SYTL2: variants seen among roughly 807,000 people sequenced by gnomAD.
The protein encoded by SYTL2 is synaptotagmin-like protein 2.
A neutral mutation model predicts 198.7 loss-of-function variants in SYTL2; 165 were observed. The ratio of observed to expected loss-of-function variants is 0.83; its 90% CI spans 0.73 to 0.94. The LOEUF (loss-of-function observed/expected upper bound fraction) is 0.94, where lower values mean the gene tolerates loss of function less well. Among genes scored for constraint, SYTL2 ranks in the 40% least tolerant of loss-of-function variants. SYTL2 has a pLI of 0.00. For synonymous variants in SYTL2, 966 were observed against 917.7 expected, an observed-to-expected ratio of 1.05 and a Z score of -0.95; for missense variants, 2,835 against 2,582.8, an observed-to-expected ratio of 1.10 and a Z score of -2.12.
chr11:85,814,810 C>G (rs1048137045), upstream of SYTL2, among the ~76,000 whole-genome samples: 6 of 152,168 alleles, frequency 3.9e-5, no homozygotes, highest in African/African-American at 1.4e-4. Flanking sequence ...ATATCCTTCC[C>G]TCTGTTTCTG....
chr11:85,695,311 T>G lies in SYTL2; in HGVS notation c.6604A>C (p.Met2202Leu). The G allele has an allele frequency of 6.2e-7, 1 of 1,607,134 alleles. No homozygotes were observed. Among genetic ancestry groups the G allele is most frequent in the South Asian group, 1.1e-5 (1 of 90,298 alleles). The change falls in exon 20 of 20, where the codon ATG (methionine) becomes CTG (leucine). Residue 2202 changes from methionine to leucine, a missense_variant. Coordinates refer to ENST00000359152, the MANE Select transcript of SYTL2 (RefSeq NM_206927.4). ...GCAACTTCCTCTGAAGTAGAGTCCA[T>G]CCAGTCCACTTCAGTCCCATAACTT... ...GKSYGTEVDWMDSTSEEVALW... is the reference protein window; with the variant it reads ...GKSYGTEVDWLDSTSEEVALW...
At chr11:85,711,869 C>T (rs2086357253) in intron 12 of SYTL2, among the ~76,000 whole-genome samples, 1 of 151,852 alleles carries the variant, frequency 6.6e-6, no homozygotes, top group African/African-American at 2.4e-5. Context: ...TACATTCTAC[C>T]CACATTAGAT....
intron 2 of SYTL2, among the ~76,000 whole-genome samples, chr11:85,754,533 G>A (rs650970): frequency 0.75 from 114,065 of 152,148 alleles, 43,345 homozygotes; most frequent in African/African-American, 0.86. Context: ...TAATAATTTT[G>A]TATATTCATG....
At chr11:85,711,290 ATC>A in intron 12 of SYTL2, 58 bp from the exon 13 acceptor site, 4 of 1,572,520 alleles carry the variant, frequency 2.5e-6, no homozygotes, top group Non-Finnish European at 3.5e-6. Context: ...CAAGATCAGA[ATC>A]TCTGTTTAGG....
chr11:85,778,512 C>G (rs1049484517), intron 1 of SYTL2, among the ~76,000 whole-genome samples: 2 of 152,244 alleles, frequency 1.3e-5, no homozygotes, highest in African/African-American at 4.8e-5. Flanking sequence ...GAAAGCAGAA[C>G]CAGTTCTAGC....
the SYTL2 span, among the ~76,000 whole-genome samples, chr11:85,824,039 C>T: frequency 6.6e-6 from 1 of 152,294 alleles, no homozygotes; most frequent in East Asian, 1.9e-4. Context: ...CACCACACTG[C>T]CACCCATGAA....
intron 6 of SYTL2, among the ~76,000 whole-genome samples, chr11:85,735,147 A>T (rs1179017140): frequency 6.6e-6 from 1 of 152,196 alleles, no homozygotes; most frequent in Non-Finnish European, 1.5e-5. Flanking sequence ...GTGTGGGGAG[A>T]GGGTGTATAT....
At chr11:85,789,344 A>ATATATATATATATATATATATATATG (rs2092689320) in intron 1 of SYTL2, among the ~76,000 whole-genome samples, 22 of 18,652 alleles carry the variant, frequency 1.2e-3, no homozygotes, top group Non-Finnish European at 2.7e-3. Context: ...GTGTGTGTAT[A>ATATATATATATATATATATATATATG]TATATATATA....
At chr11:85,794,324 A>G (rs995196441) in intron 1 of SYTL2, among the ~76,000 whole-genome samples, 1 of 152,082 alleles carries the variant, frequency 6.6e-6, no homozygotes, top group Non-Finnish European at 1.5e-5. Flanking sequence ...GACTAGAGGC[A>G]CATGCCATTA....
At chr11:85,713,112 A>G (rs746126576) in intron 12 of SYTL2, among the ~76,000 whole-genome samples, 2 of 152,210 alleles carry the variant, frequency 1.3e-5, no homozygotes, top group Admixed American at 1.3e-4. Flanking sequence ...TTTCCAAAGG[A>G]AACTGTAACA....
Position 85,748,333 on chromosome 11 carries a change from G to A in SYTL2, c.192C>T (p.Asp64=). The A allele has an allele frequency of 6.2e-7, 1 of 1,613,954 alleles. No individual in the cohort carries two copies. The highest frequency in any genetic ancestry group is 1.1e-5 in the South Asian group (1 of 91,068). The part of the protein sequence containing the change: ...FYEAKAKRHR[D]KIHGADIIRA... ...TGATGATATCTGCGCCATGGATTTT[G>A]TCCCTGTGCCTTTTTGCCTTGGCTT... Residue 64 remains aspartate, a synonymous_variant, in exon 3 of 20, where the codon GAC becomes GAT. Transcript: ENST00000359152.
At chr11:85,834,681 G>A in the SYTL2 span, among the ~76,000 whole-genome samples, 3 of 151,992 alleles carry the variant, frequency 2.0e-5, no homozygotes, top group Non-Finnish European at 4.4e-5. Flanking sequence ...GCAAGCTAAT[G>A]TAAGTGTTCT....
At chr11:85,783,877 G>C (rs1181683523) in intron 1 of SYTL2, among the ~76,000 whole-genome samples, 1 of 152,116 alleles carries the variant, frequency 6.6e-6, no homozygotes. Flanking sequence ...TCAGTCCTTG[G>C]CTCTTCTTGC....
intron 1 of SYTL2, among the ~76,000 whole-genome samples, chr11:85,759,511 C>T (rs1171502816): frequency 1.6e-5 from 2 of 127,324 alleles, no homozygotes; most frequent in Non-Finnish European, 3.5e-5. Flanking sequence ...AAAAAGAGCA[C>T]ATGTCTTGCA....
In SYTL2 at chr11:85,789,370, AT is replaced by A. The variant is rs1566026313; in HGVS notation, c.-390+21583del. On this transcript the variant is annotated intron_variant, in intron 1 of 19. Coordinates refer to ENST00000359152, the MANE Select transcript of SYTL2 (RefSeq NM_206927.4). ...TATATATATATATATATATATATAT[AT>A]ATATATGTATATATATATATATATA... Among the ~76,000 whole-genome samples, 390 of 48,974 alleles carry A rather than the reference AT, an allele frequency of 8.0e-3. 13 individuals carry two copies. Among genetic ancestry groups the A allele is most frequent in the African/African-American group, 0.012 (117 of 9,528 alleles). 32.1% of individuals were successfully genotyped at this position (48,974 alleles called of 152,430 possible).
intron 5 of SYTL2, 122 bp from the exon 6 acceptor site, chr11:85,736,737 T>C (rs945133680): frequency 1.6e-6 from 1 of 642,170 alleles, no homozygotes; most frequent in Non-Finnish European, 2.7e-6. Flanking sequence ...ATTTGGCATG[T>C]TTGAAAAACA....
At chr11:85,828,217 C>T in the SYTL2 span, among the ~76,000 whole-genome samples, 12 of 152,092 alleles carry the variant, frequency 7.9e-5, no homozygotes, top group Non-Finnish European at 1.8e-4. Flanking sequence ...ACTTATCTGG[C>T]AGAAAAATGA....
the SYTL2 span, among the ~76,000 whole-genome samples, chr11:85,845,591 G>T: frequency 6.6e-6 from 1 of 151,772 alleles, no homozygotes; most frequent in African/African-American, 2.4e-5. Flanking sequence ...AGAGAGACCT[G>T]GTCTCTACAA....
intron 1 of SYTL2, among the ~76,000 whole-genome samples, chr11:85,795,183 G>A (rs113518297): frequency 1.3e-5 from 2 of 152,160 alleles, no homozygotes; most frequent in Non-Finnish European, 1.5e-5. Context: ...GCTAATATAA[G>A]TATTAGCTGT....
Sources: gnomAD v4.1 joint callset for allele counts (sites outside exome capture counted in the v4.1 genomes callset) on GRCh38, gnomAD v4.1.1 for gene constraint, MANE v1.5 for transcripts, NCBI Gene and HGNC (gene_info 2026-07-23, HGNC 2026-07-21) for gene names.